Variants in C12orf42 observed in about 807,000 individuals in gnomAD.
C12orf42 encodes the protein uncharacterized protein C12orf42.
C12orf42 carries 25 observed loss-of-function variants against 21.6 expected under a neutral mutation model. That is an observed-to-expected ratio of 1.16 (90% CI 0.84 to 1.62). The LOEUF (loss-of-function observed/expected upper bound fraction) is 1.62. Among genes scored for constraint, C12orf42 ranks in the 40% most tolerant of loss-of-function variants. The pLI, the probability that C12orf42 is intolerant of heterozygous loss-of-function variation, is 0.00. For missense variants in C12orf42, 483 were observed against 459.3 expected, an observed-to-expected ratio of 1.05 and a Z score of -0.47; for synonymous variants, 174 against 175.0, an observed-to-expected ratio of 0.99 and a Z score of 0.05.
In C12orf42 at chr12:103,368,876, T is replaced by G; in HGVS notation, c.259+11A>C. ...AACTCTGGTCTGTCTTGGGATTATGTCTTAATTTACCTGGAAAATTCAGAA... is the reference window on the plus strand; with the variant it reads ...AACTCTGGTCTGTCTTGGGATTATGGCTTAATTTACCTGGAAAATTCAGAA... On this transcript the variant is annotated intron_variant, in intron 4 of 5. Coordinates refer to ENST00000548883, the MANE Select transcript of C12orf42 (RefSeq NM_198521.5). 1 of 1,429,688 alleles carries G rather than the reference T, an allele frequency of 7.0e-7. No individual in the cohort carries two copies. The allele number at this position is 1,429,688 out of a possible 1,614,324, so 88.6% of individuals were successfully genotyped here.
chr12:103,554,565 G>A, the C12orf42 span, among the ~76,000 whole-genome samples: 2 of 149,308 alleles, frequency 1.3e-5, no homozygotes, highest in African/African-American at 4.9e-5. Context: ...CTGAGACTGG[G>A]TAATTTATTA....
the C12orf42 span, among the ~76,000 whole-genome samples, chr12:103,144,254 G>A: frequency 6.6e-6 from 1 of 151,830 alleles, no homozygotes; most frequent in African/African-American, 2.4e-5. Flanking sequence ...AGGAAAAAGA[G>A]GAGACGAGGA....
the C12orf42 span, among the ~76,000 whole-genome samples, chr12:103,197,977 C>T: frequency 6.6e-6 from 1 of 152,130 alleles, no homozygotes; most frequent in Non-Finnish European, 1.5e-5. Context: ...AATAACATTC[C>T]AATGGGGGAG....
the C12orf42 span, among the ~76,000 whole-genome samples, chr12:103,175,382 T>C: frequency 6.6e-6 from 1 of 152,194 alleles, no homozygotes; most frequent in Non-Finnish European, 1.5e-5. Flanking sequence ...TTCAACATTG[T>C]ATCTAATAAA....
At chr12:103,265,495 AAAT>A (rs1456607210), downstream of C12orf42, among the ~76,000 whole-genome samples, 4 of 152,172 alleles carry the variant, frequency 2.6e-5, no homozygotes, top group Non-Finnish European at 4.4e-5. Flanking sequence ...AATAAAATAA[AAAT>A]AATATTTTAA....
At chr12:103,451,365 C>T (rs7306249) in intron 2 of C12orf42, among the ~76,000 whole-genome samples, 92,116 of 142,314 alleles carry the variant, frequency 0.65, 29,425 homozygotes, top group Admixed American at 0.74. Context: ...TAGCTGTGAC[C>T]ACAAGTGTGC....
intron 2 of C12orf42, among the ~76,000 whole-genome samples, chr12:103,436,845 A>G (rs1950762411): frequency 6.7e-6 from 1 of 150,278 alleles, no homozygotes. Context: ...AGACAGATCA[A>G]TGAGACAGAA....
chr12:103,502,417 TA>T, the C12orf42 span, among the ~76,000 whole-genome samples: 1 of 152,202 alleles, frequency 6.6e-6, no homozygotes, highest in East Asian at 1.9e-4. Flanking sequence ...AGCTGGCCCT[TA>T]AGGAATGGTG....
intron 2 of C12orf42, among the ~76,000 whole-genome samples, chr12:103,448,449 T>G (rs1004212870): frequency 6.6e-6 from 1 of 151,926 alleles, no homozygotes; most frequent in Non-Finnish European, 1.5e-5. Flanking sequence ...ACATGGGGCT[T>G]AAACTAAAAA....
the C12orf42 span, among the ~76,000 whole-genome samples, chr12:103,128,062 T>C: frequency 5.9e-5 from 9 of 152,224 alleles, no homozygotes; most frequent in Non-Finnish European, 1.2e-4. Context: ...TCACTTAAGA[T>C]AATTGTAATT....
chr12:103,398,545 G>A (rs1007928971), intron 3 of C12orf42, among the ~76,000 whole-genome samples: 6 of 151,940 alleles, frequency 3.9e-5, no homozygotes, highest in Admixed American at 2.0e-4. Context: ...AATATATCTT[G>A]AAAGTTTATG....
the C12orf42 span, among the ~76,000 whole-genome samples, chr12:103,095,545 A>G: frequency 3.9e-5 from 6 of 152,080 alleles, no homozygotes; most frequent in Non-Finnish European, 7.4e-5. Context: ...TCTACTCCCA[A>G]TGGCCCTGTT....
chr12:103,203,084 T>C, the C12orf42 span, among the ~76,000 whole-genome samples: 1 of 152,144 alleles, frequency 6.6e-6, no homozygotes, highest in African/African-American at 2.4e-5. Flanking sequence ...ATATTTGTTT[T>C]GTCATACTGA....
At chr12:103,298,398 G>C (rs535688240), downstream of C12orf42, among the ~76,000 whole-genome samples, 18 of 152,276 alleles carry the variant, frequency 1.2e-4, no homozygotes, top group African/African-American at 4.1e-4. Context: ...CACCTTACAA[G>C]GGATGTGAAG....
At chr12:103,306,755 G>C (rs1435091869) in intron 4 of C12orf42, among the ~76,000 whole-genome samples, 1 of 152,134 alleles carries the variant, frequency 6.6e-6, no homozygotes, top group Non-Finnish European at 1.5e-5. Flanking sequence ...CTAACCCGCA[G>C]CACCTGTGCA....
the C12orf42 span, among the ~76,000 whole-genome samples, chr12:103,143,886 T>C: frequency 6.6e-6 from 1 of 152,244 alleles, no homozygotes; most frequent in Non-Finnish European, 1.5e-5. Flanking sequence ...TTTATATCTC[T>C]AGTCTCAGCT....
chr12:103,068,451 G>A, the C12orf42 span, among the ~76,000 whole-genome samples: 1 of 152,086 alleles, frequency 6.6e-6, no homozygotes, highest in African/African-American at 2.4e-5. Context: ...CAGGAGATGT[G>A]TATGGGTTCA....
the C12orf42 span, among the ~76,000 whole-genome samples, chr12:103,085,459 A>G: frequency 6.6e-6 from 1 of 152,110 alleles, no homozygotes; most frequent in South Asian, 2.1e-4. Flanking sequence ...ATATGAGTAG[A>G]CTAGGAGAAA....
chr12:103,430,369 T>C (rs933901950), intron 2 of C12orf42, among the ~76,000 whole-genome samples: 3 of 152,152 alleles, frequency 2.0e-5, no homozygotes, highest in Non-Finnish European at 4.4e-5. Flanking sequence ...GAAAAGCTCA[T>C]CATCATTGGT....
Sources: gnomAD v4.1 joint callset for allele counts (sites outside exome capture counted in the v4.1 genomes callset) on GRCh38, gnomAD v4.1.1 for gene constraint, MANE v1.5 for transcripts, NCBI Gene and HGNC (gene_info 2026-07-23, HGNC 2026-07-21) for gene names.